TMEM132B: variants seen among roughly 807,000 people sequenced by gnomAD.
TMEM132B encodes transmembrane protein 132B.
Under a neutral mutation model 90.8 loss-of-function variants are expected in TMEM132B, and 18 were observed. That is an observed-to-expected ratio of 0.20 (90% confidence interval 0.14 to 0.29). The LOEUF is 0.29. Among genes scored for constraint, TMEM132B ranks in the 10% least tolerant of loss-of-function variants. The probability of loss-of-function intolerance (pLI) is 1.00; values close to 1 mark genes in which losing one functional copy is unlikely to be tolerated. For missense variants in TMEM132B, 1,096 were observed against 1,326.8 expected, an observed-to-expected ratio of 0.83 and a Z score of 2.70; for synonymous variants, 504 against 523.3, an observed-to-expected ratio of 0.96 and a Z score of 0.50.
intron 1 of TMEM132B, among the ~76,000 whole-genome samples, chr12:125,338,379 C>T (rs576674702): frequency 2.6e-5 from 4 of 152,292 alleles, no homozygotes; most frequent in East Asian, 1.9e-4. Context: ...CCTCTCAGGA[C>T]GCAGCACCAA....
intron 1 of TMEM132B, among the ~76,000 whole-genome samples, chr12:125,303,723 C>T (rs1046759180): frequency 1.3e-5 from 2 of 152,110 alleles, no homozygotes; most frequent in Non-Finnish European, 2.9e-5. Flanking sequence ...ATTTGCATTT[C>T]CTTAATGAAT....
intron 1 of TMEM132B, among the ~76,000 whole-genome samples, chr12:125,196,414 T>C (rs1872926679): frequency 6.6e-6 from 1 of 152,158 alleles, no homozygotes; most frequent in South Asian, 2.1e-4. Context: ...GAGATATTTT[T>C]ACATCATTAA....
intron 2 of TMEM132B, among the ~76,000 whole-genome samples, chr12:125,359,616 A>G (rs1280617497): frequency 2.0e-5 from 3 of 152,248 alleles, no homozygotes; most frequent in African/African-American, 4.8e-5. Flanking sequence ...ACATGAGACA[A>G]TCAACACTGA....
intron 3 of TMEM132B, among the ~76,000 whole-genome samples, chr12:125,470,748 T>C (rs10773166): frequency 0.56 from 84,473 of 151,928 alleles, 24,750 homozygotes; most frequent in African/African-American, 0.75. Flanking sequence ...CTGGGGGGTT[T>C]GCCTCACTCC....
intron 1 of TMEM132B, among the ~76,000 whole-genome samples, chr12:125,315,940 C>T (rs886512074): frequency 6.6e-6 from 1 of 152,120 alleles, no homozygotes; most frequent in Non-Finnish European, 1.5e-5. Flanking sequence ...CCCTGGGTCA[C>T]CACCCCCTGG....
At chr12:125,217,444 A>C (rs532919342) in intron 1 of TMEM132B, among the ~76,000 whole-genome samples, 1 of 152,190 alleles carries the variant, frequency 6.6e-6, no homozygotes, top group African/African-American at 2.4e-5. Context: ...TCCTTCGCTT[A>C]ATTCTTTGTT....
At chr12:125,546,881 C>G (rs1048969763) in intron 4 of TMEM132B, among the ~76,000 whole-genome samples, 4 of 152,168 alleles carry the variant, frequency 2.6e-5, no homozygotes. Context: ...AGGAAAGAGG[C>G]TTAATTGACT....
At chr12:125,264,251 AGAT>A (rs1565986829) in intron 1 of TMEM132B, among the ~76,000 whole-genome samples, 2 of 152,102 alleles carry the variant, frequency 1.3e-5, no homozygotes, top group African/African-American at 4.8e-5. Flanking sequence ...AGTGCCTATG[AGAT>A]GATGTTGCAC....
chr12:125,284,272 C>T (rs1383562044), intron 1 of TMEM132B, among the ~76,000 whole-genome samples: 1 of 152,230 alleles, frequency 6.6e-6, no homozygotes, highest in Non-Finnish European at 1.5e-5. Context: ...ACCTCCCTCC[C>T]AGATGCAGCC....
chr12:125,315,981 C>G (rs890645078), intron 1 of TMEM132B, among the ~76,000 whole-genome samples: 2 of 152,116 alleles, frequency 1.3e-5, no homozygotes, highest in African/African-American at 4.8e-5. Context: ...CAGCATCCCC[C>G]CCTCACCTGG....
chr12:125,226,417 T>C (rs1236188002), intron 1 of TMEM132B, among the ~76,000 whole-genome samples: 1 of 152,280 alleles, frequency 6.6e-6, no homozygotes, highest in African/African-American at 2.4e-5. Context: ...AAGCTCTATA[T>C]ACACATTCCC....
At chr12:125,235,074 CAGTTCCAGGG>C (rs1268005935) in intron 1 of TMEM132B, among the ~76,000 whole-genome samples, 3 of 152,206 alleles carry the variant, frequency 2.0e-5, no homozygotes, top group Non-Finnish European at 4.4e-5. Flanking sequence ...TGTGATCCCC[CAGTTCCAGGG>C]AGCTGTGCTG....
intron 1 of TMEM132B, among the ~76,000 whole-genome samples, chr12:125,269,841 A>G (rs1488975151): frequency 6.6e-6 from 1 of 152,110 alleles, no homozygotes; most frequent in African/African-American, 2.4e-5. Flanking sequence ...CTTTGTTTCC[A>G]GTTCCTTCCA....
At chr12:125,413,316 T>G (rs565873546) in intron 2 of TMEM132B, among the ~76,000 whole-genome samples, 3 of 152,188 alleles carry the variant, frequency 2.0e-5, no homozygotes, top group African/African-American at 7.2e-5. Context: ...CTGTGGTTTT[T>G]TTTTCCCCCA....
At chr12:125,507,758 T>C (rs1457456613) in intron 3 of TMEM132B, among the ~76,000 whole-genome samples, 5 of 152,156 alleles carry the variant, frequency 3.3e-5, no homozygotes, top group African/African-American at 1.2e-4. Flanking sequence ...GTAAGGACTT[T>C]GCCTTTTATG....
intron 3 of TMEM132B, among the ~76,000 whole-genome samples, chr12:125,451,031 A>G (rs761229937): frequency 6.6e-6 from 1 of 152,152 alleles, no homozygotes; most frequent in Non-Finnish European, 1.5e-5. Context: ...AAAAGTGTCA[A>G]TGTCTTAAAA....
chr12:125,652,168 T>C (rs938153449), intron 7 of TMEM132B, among the ~76,000 whole-genome samples: 1 of 152,252 alleles, frequency 6.6e-6, no homozygotes, highest in African/African-American at 2.4e-5. Flanking sequence ...TTTTTTATTA[T>C]TGCCTGTAAG....
chr12:125,649,643 A>G (rs957893813), intron 6 of TMEM132B, among the ~76,000 whole-genome samples: 2 of 152,182 alleles, frequency 1.3e-5, no homozygotes, highest in African/African-American at 4.8e-5. Flanking sequence ...GGAAGAAGAC[A>G]CACAGTAGGT....
At chr12:125,192,333 A>C (rs1321945371) in intron 1 of TMEM132B, among the ~76,000 whole-genome samples, 2 of 152,190 alleles carry the variant, frequency 1.3e-5, no homozygotes, top group Non-Finnish European at 1.5e-5. Context: ...TAGCTACTAC[A>C]TTCAGTTCAT....
Sources: gnomAD v4.1 joint callset for allele counts (sites outside exome capture counted in the v4.1 genomes callset) on GRCh38, gnomAD v4.1.1 for gene constraint, MANE v1.5 for transcripts, NCBI Gene and HGNC (gene_info 2026-07-23, HGNC 2026-07-21) for gene names.